The following SRRM4 variants were observed in gnomAD, a reference collection of about 807,000 sequenced individuals.
The protein encoded by SRRM4 is serine/arginine repetitive matrix 4, also known as serine/arginine repetitive matrix protein 4.
In SRRM4, 33 loss-of-function variants were observed where a neutral mutation model predicts 68.9. The observed-to-expected ratio is 0.48, with a 90% CI of 0.36 to 0.64. The LOEUF (loss-of-function observed/expected upper bound fraction) is 0.64. Ranked by LOEUF, SRRM4 falls within the 30% of genes least tolerant of loss-of-function variation. The pLI is 0.00. For synonymous variants in SRRM4, 318 were observed against 318.8 expected (o/e 1.00, Z 0.03); for missense variants, 817 against 827.1 (o/e 0.99, Z 0.15).
At chr12:119,073,971 C>T (rs1404779375) in intron 1 of SRRM4, among the ~76,000 whole-genome samples, 1 of 152,096 alleles carries the variant, frequency 6.6e-6, no homozygotes, top group Non-Finnish European at 1.5e-5. Flanking sequence ...ATTATAATAC[C>T]TACCTGAAAG....
intron 1 of SRRM4, among the ~76,000 whole-genome samples, chr12:119,054,928 G>T (rs1487937571): frequency 6.6e-6 from 1 of 152,138 alleles, no homozygotes; most frequent in African/African-American, 2.4e-5. Context: ...GGTTGTCCTG[G>T]CTTTGATAGG....
At chr12:119,043,042 T>C (rs534920341) in intron 1 of SRRM4, among the ~76,000 whole-genome samples, 14 of 152,290 alleles carry the variant, frequency 9.2e-5, no homozygotes, top group African/African-American at 2.6e-4. Context: ...CATTACTGGG[T>C]ATATATCCAG....
chr12:119,092,185 CCCT>C (rs1208425548), intron 1 of SRRM4, among the ~76,000 whole-genome samples: 1 of 152,160 alleles, frequency 6.6e-6, no homozygotes, highest in Non-Finnish European at 1.5e-5. Context: ...GAGCTTACCT[CCCT>C]CCTCAACTTT....
intron 1 of SRRM4, among the ~76,000 whole-genome samples, chr12:119,016,904 T>A (rs1037992141): frequency 6.6e-6 from 1 of 152,242 alleles, no homozygotes; most frequent in African/African-American, 2.4e-5. Context: ...AGTCACTTCA[T>A]GTTTCTGCAC....
intron 2 of SRRM4, among the ~76,000 whole-genome samples, chr12:119,105,506 G>A (rs994238553): frequency 2.6e-5 from 4 of 152,096 alleles, no homozygotes; most frequent in East Asian, 1.9e-4. Flanking sequence ...CTTAATGATC[G>A]CCATTCTAAC....
At chr12:119,037,797 G>A (rs1953639387) in intron 1 of SRRM4, among the ~76,000 whole-genome samples, 1 of 152,160 alleles carries the variant, frequency 6.6e-6, no homozygotes. Context: ...CCAGATTTAG[G>A]ACTTGAAATA....
At chr12:119,016,427 A>T (rs1002399405) in intron 1 of SRRM4, among the ~76,000 whole-genome samples, 1 of 151,830 alleles carries the variant, frequency 6.6e-6, no homozygotes, top group East Asian at 1.9e-4. Context: ...TTTGCCCTCC[A>T]GAGTTCAGAA....
chr12:119,100,359 G>A (rs1954071414), intron 1 of SRRM4, among the ~76,000 whole-genome samples: 1 of 150,362 alleles, frequency 6.7e-6, no homozygotes, highest in Non-Finnish European at 1.5e-5. Context: ...GTGTGGTGGT[G>A]TGTAACTGTG....
At chr12:119,149,521 A>C (rs1418355468) in intron 9 of SRRM4, among the ~76,000 whole-genome samples, 1 of 152,220 alleles carries the variant, frequency 6.6e-6, no homozygotes, top group Admixed American at 6.5e-5. Flanking sequence ...AGGGATAGGC[A>C]AAACATAGAA....
At chr12:118,983,511 G>C (rs1953263264) in intron 1 of SRRM4, among the ~76,000 whole-genome samples, 1 of 152,140 alleles carries the variant, frequency 6.6e-6, no homozygotes, top group Admixed American at 6.5e-5. Flanking sequence ...TTATCTTCCT[G>C]GGTTTCTGCT....
chr12:119,130,913 G>T, intron 8 of SRRM4, 79 bp downstream of exon 8: 1 of 1,417,506 alleles, frequency 7.1e-7, no homozygotes, highest in Non-Finnish European at 9.5e-7. Context: ...TCAGGGCAGT[G>T]TATGGTACAC....
At chr12:119,092,793 A>G (rs1241782636) in intron 1 of SRRM4, among the ~76,000 whole-genome samples, 6 of 152,048 alleles carry the variant, frequency 3.9e-5, no homozygotes, top group Non-Finnish European at 8.8e-5. Flanking sequence ...TATCTATCCA[A>G]TGAAGCCTCC....
chr12:119,057,391 C>T (rs1029242639), intron 1 of SRRM4, among the ~76,000 whole-genome samples: 3 of 152,114 alleles, frequency 2.0e-5, no homozygotes, highest in Admixed American at 1.3e-4. Flanking sequence ...TTCCCCTCCC[C>T]GTGTCCATGT....
intron 2 of SRRM4, among the ~76,000 whole-genome samples, chr12:119,103,985 A>G (rs1233147889): frequency 7.1e-6 from 1 of 141,110 alleles, no homozygotes; most frequent in Non-Finnish European, 1.5e-5. Flanking sequence ...CCTGGGCGAC[A>G]GAGTGAGACT....
chr12:119,079,109 G>A (rs527809115), intron 1 of SRRM4, among the ~76,000 whole-genome samples: 1 of 152,294 alleles, frequency 6.6e-6, no homozygotes, highest in African/African-American at 2.4e-5. Flanking sequence ...GTGAATTAGG[G>A]ATGGGAGAGA....
At chr12:119,074,222 T>C (rs1055305243) in intron 1 of SRRM4, among the ~76,000 whole-genome samples, 4 of 152,128 alleles carry the variant, frequency 2.6e-5, no homozygotes, top group Non-Finnish European at 5.9e-5. Flanking sequence ...AAAAATCACA[T>C]TTACTGGGTA....
chr12:119,074,804 C>A (rs1243703705), intron 1 of SRRM4, among the ~76,000 whole-genome samples: 1 of 152,190 alleles, frequency 6.6e-6, no homozygotes, highest in Non-Finnish European at 1.5e-5. Flanking sequence ...AAGCCCTATG[C>A]AACCCTAAAA....
intron 8 of SRRM4, among the ~76,000 whole-genome samples, chr12:119,141,018 T>G (rs1360452334): frequency 2.0e-5 from 3 of 152,240 alleles, no homozygotes; most frequent in Non-Finnish European, 2.9e-5. Context: ...CTTGGTTCAC[T>G]GTAGCCTCCA....
At chr12:119,140,216 AAT>A (rs1393546674) in intron 8 of SRRM4, among the ~76,000 whole-genome samples, 2 of 149,582 alleles carry the variant, frequency 1.3e-5, no homozygotes, top group Non-Finnish European at 1.5e-5. Flanking sequence ...CTCTACTAAA[AAT>A]ACAAAAAAAA....
Sources: allele counts gnomAD v4.1 joint callset (sites outside exome capture counted in the v4.1 genomes callset), GRCh38; gene constraint gnomAD v4.1.1; transcripts MANE v1.5; gene names NCBI Gene and HGNC (gene_info 2026-07-23, HGNC 2026-07-21).